Variants in DVL1 observed in about 807,000 individuals in gnomAD.
DVL1 encodes segment polarity protein dishevelled homolog DVL-1.
A neutral mutation model predicts 65.0 loss-of-function variants in DVL1; 49 were observed. That is an observed-to-expected ratio of 0.75 (90% CI 0.60 to 0.96). The LOEUF is 0.96. Among genes scored for constraint, DVL1 ranks in the 40% least tolerant of loss-of-function variants. DVL1 has a pLI of 0.00. For missense variants in DVL1, 1,197 were observed against 1,045.4 expected, an observed-to-expected ratio of 1.15 and a Z score of -2.00; for synonymous variants, 608 against 433.9, an observed-to-expected ratio of 1.40 and a Z score of -4.99.
rs149586497 is a variant in DVL1 at position 1,343,715 on chromosome 1, C to T, written c.171-957G>A. ...CACCTACAAGGACTCTCAGACCCGA[C>T]GGACGGACGTAGGTGGGCTGGGAGG... On this transcript the variant is annotated intron_variant, in intron 1 of 14. Transcript: ENST00000378888. Among the ~76,000 whole-genome samples, 365 of 152,228 alleles carry T rather than the reference C, an allele frequency of 2.4e-3. 2 individuals are homozygous for T. Among genetic ancestry groups the T allele is most frequent in the Non-Finnish European group, 3.7e-3 (254 of 67,998 alleles).
Position 1,338,698 on chromosome 1 carries a change from C to T in DVL1, c.1208-45G>A, listed in dbSNP as rs1005508670. ...CCGCTTCAGCCCCAGCATCTGAAGGCGGGGGACTCAGGGCCCTGCACCCCC... is the reference window on the plus strand; with the variant it reads ...CCGCTTCAGCCCCAGCATCTGAAGGTGGGGGACTCAGGGCCCTGCACCCCC... On this transcript the variant is annotated intron_variant, in intron 11 of 14. Coordinates refer to ENST00000378888, the MANE Select transcript of DVL1 (RefSeq NM_001330311.2). The T allele has an allele frequency of 6.9e-6, 11 of 1,588,386 alleles. No homozygotes were observed. In the Admixed American group the frequency reaches 8.5e-5, roughly 12 times the overall value.
chr1:1,335,989 G>T lies in DVL1; in HGVS notation c.*153C>A. ...GACACAGGTGCTGTCAGGAGCTGGA[G>T]CAGCCAGGCTGCCAGGGCAGATGGT... On this transcript the variant is annotated 3_prime_UTR_variant, in exon 15 of 15. Coordinates refer to ENST00000378888, the MANE Select transcript of DVL1 (RefSeq NM_001330311.2). 1 of 1,037,724 alleles carries T rather than the reference G, an allele frequency of 9.6e-7. No individual in the cohort carries two copies. Among genetic ancestry groups the T allele is most frequent in the Non-Finnish European group, 1.4e-6 (1 of 728,520 alleles). The allele number at this position is 1,037,724 out of a possible 1,614,324, so 64.3% of individuals were successfully genotyped here.
At chr1:1,337,461 C>T (rs551770935) in intron 14 of DVL1, among the ~76,000 whole-genome samples, 4 of 152,334 alleles carry the variant, frequency 2.6e-5, no homozygotes, top group East Asian at 1.9e-4. Context: ...GCTCCCTACC[C>T]GGGCTGCAGC....
At chr1:1,338,715 T>C (rs1643678236) in intron 11 of DVL1, 62 bp from the exon 12 acceptor site, 2 of 1,567,046 alleles carry the variant, frequency 1.3e-6, no homozygotes, top group Admixed American at 3.5e-5. Flanking sequence ...CTCAGGGCCC[T>C]GCACCCCCAG....
intron 1 of DVL1, among the ~76,000 whole-genome samples, chr1:1,348,510 C>A (rs1643956549): frequency 6.6e-6 from 1 of 152,212 alleles, no homozygotes; most frequent in Admixed American, 6.5e-5. Flanking sequence ...CCATGTCTCC[C>A]CATCCCAGCT....
chr1:1,338,000 C>A lies in DVL1; in HGVS notation c.1691G>T (p.Ser564Ile). The A allele has an allele frequency of 1.2e-6, 2 of 1,611,670 alleles. No homozygotes were observed. The highest frequency in any genetic ancestry group is 2.2e-5 in the South Asian group (2 of 91,014). Residue 564 changes from serine (S) to isoleucine (I), a missense_variant, in exon 14 of 15, where the codon AGC becomes ATC. By Grantham distance (142) the Ser-to-Ile change is moderately radical. Coordinates refer to ENST00000378888, the MANE Select transcript of DVL1 (RefSeq NM_001330311.2). The stretch of plus-strand genomic sequence containing the variant: ...ACCTTCACTCTGCTGACTCCCGGTG[C>A]TGCCGCTGCCATAGCTAAAGCCCGG... ...QDPGFSYGSG[S>I]TGSQQSEGSK...
chr1:1,342,601 C>A, intron 2 of DVL1, 88 bp downstream of exon 2: 3 of 1,580,396 alleles, frequency 1.9e-6, no homozygotes, highest in Non-Finnish European at 2.6e-6. Flanking sequence ...CTGCCAGGGC[C>A]TCCCCACACC....
Position 1,338,038 on chromosome 1 carries a change from A to G in DVL1, c.1653T>C (p.Pro551=). ...AGCTAAAGCCCGGGTCCTGGTAGGC[A>G]GGCGGGAAGCAGGGTGGGGGTCCCG... ...QYPGPPPCFP[P]AYQDPGFSYG... is the part of the protein sequence containing the mutation. Residue 551 remains proline, a synonymous_variant, in exon 14 of 15, where the codon CCT becomes CCC. Coordinates refer to ENST00000378888, the MANE Select transcript of DVL1 (RefSeq NM_001330311.2). The G allele has an allele frequency of 5.0e-6, 8 of 1,611,848 alleles. No individual in the cohort carries two copies. Among genetic ancestry groups the G allele is most frequent in the Non-Finnish European group, 6.8e-6 (8 of 1,179,636 alleles).
intron 1 of DVL1, among the ~76,000 whole-genome samples, chr1:1,344,001 C>G (rs954852009): frequency 6.6e-6 from 1 of 152,072 alleles, no homozygotes; most frequent in African/African-American, 2.4e-5. Context: ...AGGAGGAGGC[C>G]GGGTGACCCG....
At chr1:1,343,617 G>A (rs1643878938) in intron 1 of DVL1, among the ~76,000 whole-genome samples, 1 of 152,190 alleles carries the variant, frequency 6.6e-6, no homozygotes, top group African/African-American at 2.4e-5. Flanking sequence ...GTGCCTGCCT[G>A]CCCAGGGTCA....
Position 1,338,647 on chromosome 1 carries a change from T to G in DVL1, c.1214A>C (p.Glu405Ala). ...ACTCTTCACCGTCAGCGGCGCCTCT[T>G]CCAGCTCTGCAAAGCACAGACAGCC... ...TSSVPGAPQLEEAPLTVKSDM... is the reference protein window; with the variant it reads ...TSSVPGAPQLAEAPLTVKSDM... The change falls in exon 12 of 15, where the codon GAA (glutamate) becomes GCA (alanine). Residue 405 changes from glutamate (E) to alanine (A), a missense_variant. Physicochemically the swap from Glu to Ala is moderately radical, Grantham distance 107. Coordinates refer to ENST00000378888, the MANE Select transcript of DVL1 (RefSeq NM_001330311.2). The G allele has an allele frequency of 1.9e-6, 3 of 1,609,620 alleles. No individual in the cohort carries two copies. Among genetic ancestry groups the G allele is most frequent in the Non-Finnish European group, 2.5e-6 (3 of 1,179,642 alleles).
At position 1,336,036 on chromosome 1, in the gene DVL1, C is replaced by A. The variant is rs553852873; in HGVS notation, c.*106G>T. 4 of 1,442,066 alleles carry A rather than the reference C, an allele frequency of 2.8e-6. No individual in the cohort carries two copies. Among genetic ancestry groups the A allele is most frequent in the African/African-American group, 2.8e-5 (2 of 70,994 alleles). The allele number at this position is 1,442,066 out of a possible 1,614,324, so 89.3% of individuals were successfully genotyped here. ...TGGTGGTGGTCCAGCCTGCCCCCCACCCTGCCTCCCGTCCTGGCCCCCACG... is the reference window on the plus strand; with the variant it reads ...TGGTGGTGGTCCAGCCTGCCCCCCAACCTGCCTCCCGTCCTGGCCCCCACG... On this transcript the variant is annotated 3_prime_UTR_variant, in exon 15 of 15. Coordinates refer to ENST00000378888, the MANE Select transcript of DVL1 (RefSeq NM_001330311.2).
In DVL1 at chr1:1,336,199, G is replaced by T; in HGVS notation, c.2031C>A (p.Arg677=). ...AAVPPELTGS[R]QSFQKAMGNP... is the part of the protein sequence containing the mutation. ...TCCCCATAGCCTTCTGGAAGGACTG[G>T]CGGCTGCCTGTCAATTCCGGGGGGA... The change falls in exon 15 of 15, where the codon CGC becomes CGA. Residue 677 remains arginine, a synonymous_variant. Coordinates refer to ENST00000378888, the MANE Select transcript of DVL1 (RefSeq NM_001330311.2). 6.4e-7 allele frequency: 1 copy of T among 1,564,878 alleles called. No individual in the cohort carries two copies.
chr1:1,338,229 T>TTGCCCCCCCCCCCCCCCCCCACCCCC, intron 13 of DVL1, 40 bp downstream of exon 13: 1 of 1,522,370 alleles, frequency 6.6e-7, no homozygotes, highest in Non-Finnish European at 9.0e-7. Context: ...CCTCCGGCGT[T>TTGCCCCCCCCCCCCCCCCCCACCCCC]CCCCTCCCCC....
intron 8 of DVL1, 23 bp downstream of exon 8, chr1:1,340,015 C>G: frequency 1.2e-6 from 2 of 1,603,154 alleles, no homozygotes; most frequent in Non-Finnish European, 1.7e-6. Flanking sequence ...CTACATGTCA[C>G]CCCGCAGCCC....
chr1:1,341,726 G>A lies in DVL1; in HGVS notation c.546C>T (p.Leu182=), dbSNP rs766916910. The A allele has an allele frequency of 7.4e-6, 12 of 1,611,200 alleles. No individual in the cohort carries two copies. Among genetic ancestry groups the A allele is most frequent in the Non-Finnish European group, 9.3e-6 (11 of 1,178,920 alleles). Residue 182 remains leucine, a synonymous_variant, in exon 5 of 15, where the codon CTC becomes CTT. Transcript: ENST00000378888. The part of the protein sequence containing the change: ...GLPPDSASTA[L]SSELESSSFV... The stretch of plus-strand genomic sequence containing the variant: ...AGCTGCTGGACTCAAGCTCGCTGCT[G>A]AGGGCGGTGGACGCGCTGTCTGGGG...
chr1:1,337,857 G>A (rs906263591), intron 14 of DVL1, 120 bp downstream of exon 14: 5 of 791,064 alleles, frequency 6.3e-6, no homozygotes, highest in South Asian at 4.4e-5. Context: ...GCAGCGGGGT[G>A]GGGTGGAGCT....
At chr1:1,337,944 C>G (rs1397249919) in intron 14 of DVL1, 33 bp downstream of exon 14, 1 of 1,576,816 alleles carries the variant, frequency 6.3e-7, no homozygotes, top group Non-Finnish European at 8.7e-7. Flanking sequence ...GGGGGCGGAG[C>G]CGGGGAAGGG....
At position 1,340,630 on chromosome 1, in the gene DVL1, T is replaced by C. The variant is rs137911825; in HGVS notation, c.606-127A>G. On this transcript the variant is annotated intron_variant, in intron 5 of 14. Coordinates refer to ENST00000378888, the MANE Select transcript of DVL1 (RefSeq NM_001330311.2). ...CTTGTTCCAAAGCAGGCTCAGTGCC[T>C]GACGTCCACGCCCCAGGCCCTGCAC... The C allele has an allele frequency of 2.6e-4, 252 of 985,026 alleles. 1 individual carries two copies. In the African/African-American group the frequency reaches 3.5e-3, roughly 14 times the overall value. 61.0% of individuals were successfully genotyped at this position (985,026 alleles called of 1,614,324 possible).
Sources: gnomAD v4.1 joint callset for allele counts (sites outside exome capture counted in the v4.1 genomes callset) on GRCh38, gnomAD v4.1.1 for gene constraint, MANE v1.5 for transcripts, NCBI Gene and HGNC (gene_info 2026-07-23, HGNC 2026-07-21) for gene names.